Variants in ANAPC1 observed in about 807,000 individuals in gnomAD.
ANAPC1 encodes anaphase-promoting complex subunit 1.
Under a neutral mutation model 208.0 loss-of-function variants are expected in ANAPC1, and 36 were observed. The ratio of observed to expected loss-of-function variants is 0.17; its 90% CI spans 0.13 to 0.23. The LOEUF is 0.23. Ranked by LOEUF, ANAPC1 falls within the 10% of genes least tolerant of loss-of-function variation. ANAPC1 has a pLI of 1.00. For synonymous variants in ANAPC1, 378 were observed against 695.2 expected (o/e 0.54, Z 7.18); for missense variants, 942 against 2,011.6 (o/e 0.47, Z 10.17).
chr2:111,792,672 G>A, intron 37 of ANAPC1, 117 bp from the exon 38 acceptor site: 2 of 752,588 alleles, frequency 2.7e-6, no homozygotes, highest in South Asian at 1.9e-5. Context: ...AAAAATCTGG[G>A]CTGGGCACTG....
chr2:111,821,794 A>G (rs1679550162), intron 25 of ANAPC1: 6 of 290,244 alleles, frequency 2.1e-5, no homozygotes, highest in Non-Finnish European at 3.3e-5. Flanking sequence ...TAATGAAATA[A>G]TTTAACTTTC....
chr2:111,852,974 AGAG>A (rs1681490458), intron 13 of ANAPC1, among the ~76,000 whole-genome samples: 1 of 149,600 alleles, frequency 6.7e-6, no homozygotes, highest in South Asian at 2.1e-4. Context: ...AGTAACAGAG[AGAG>A]ATACTGTATC....
At chr2:111,864,520 A>G (rs1189484102) in intron 8 of ANAPC1, among the ~76,000 whole-genome samples, 1 of 125,530 alleles carries the variant, frequency 8.0e-6, no homozygotes. Context: ...GCTGGAGTGC[A>G]GTGGCATGAT....
chr2:111,775,271 A>T (rs1676946226), intron 46 of ANAPC1, among the ~76,000 whole-genome samples: 1 of 152,256 alleles, frequency 6.6e-6, no homozygotes, highest in Non-Finnish European at 1.5e-5. Flanking sequence ...TCTCAAAGAA[A>T]GAAAAAACAA....
chr2:111,883,694 A>G (rs558039680), intron 1 of ANAPC1, among the ~76,000 whole-genome samples: 8 of 152,318 alleles, frequency 5.3e-5, no homozygotes, highest in African/African-American at 1.9e-4. Flanking sequence ...CTGAGGCTGC[A>G]CATGGGATGC....
In ANAPC1 at chr2:111,863,690, T is replaced by C; in HGVS notation, c.1037A>G (p.Asn346Ser). 6.2e-7 allele frequency: 1 copy of C among 1,613,472 alleles called. No homozygotes were observed. The highest frequency in any genetic ancestry group is 8.5e-7 in the Non-Finnish European group (1 of 1,179,560). The stretch of plus-strand genomic sequence containing the variant: ...ACCCTTATACCTTAGAGCTGCCATG[T>C]TGGAAATAGAAGGTGAGCGAGAATG... ...SLHSRSPSIS[N>S]MAALSRAHSP... The change falls in exon 9 of 48, where the codon AAC becomes AGC. Residue 346 changes from asparagine to serine, a missense_variant. Asn to Ser is a conservative substitution (Grantham distance 46, BLOSUM62 1). Transcript: ENST00000341068.
chr2:111,826,373 C>A (rs955736675), intron 21 of ANAPC1, among the ~76,000 whole-genome samples: 1 of 152,206 alleles, frequency 6.6e-6, no homozygotes, highest in Non-Finnish European at 1.5e-5. Flanking sequence ...TCCTCCTACA[C>A]CCAGCACTGG....
chr2:111,828,878 A>G (rs6744295), intron 21 of ANAPC1, among the ~76,000 whole-genome samples: 2,071 of 152,328 alleles, frequency 0.014, 37 homozygotes, highest in East Asian at 0.057. Flanking sequence ...TGATGGCAAC[A>G]TAACAATGTG....
At chr2:111,840,314 T>C (rs1407525055) in intron 17 of ANAPC1, among the ~76,000 whole-genome samples, 2 of 152,146 alleles carry the variant, frequency 1.3e-5, no homozygotes, top group African/African-American at 4.8e-5. Flanking sequence ...TGAAAACCAT[T>C]TGCCAATGAG....
In ANAPC1 at chr2:111,800,793, T is replaced by C; in HGVS notation, c.4296+4A>G. On this transcript the variant is annotated splice_donor_region_variant and intron_variant, in intron 34 of 47. Transcript: ENST00000341068. ...AAGATATAATATTTATTATATGTACTTACTTGAGGAACATTGCTGTCAACC... is the reference window on the plus strand; with the variant it reads ...AAGATATAATATTTATTATATGTACCTACTTGAGGAACATTGCTGTCAACC... 1 of 556,184 alleles carries C rather than the reference T, an allele frequency of 1.8e-6. No homozygotes were observed. The highest frequency in any genetic ancestry group is 3.1e-6 in the Non-Finnish European group (1 of 321,718). 34.5% of individuals were successfully genotyped at this position (556,184 alleles called of 1,614,324 possible).
rs754856811 is a variant in ANAPC1, at chr2:111,856,693, A to C, written c.1450-14T>G. 1 of 1,613,848 alleles carries C rather than the reference A, an allele frequency of 6.2e-7. No homozygotes were observed. Among genetic ancestry groups the C allele is most frequent in the Non-Finnish European group, 8.5e-7 (1 of 1,179,826 alleles). ...GGTGTCTATTTTCTAAAAAAACAAA[A>C]AAGACAAAAAATTTATTTCCCAATC... On this transcript the variant is annotated splice_polypyrimidine_tract_variant and intron_variant, in intron 12 of 47. Transcript: ENST00000341068.
chr2:111,794,321 T>G lies in ANAPC1; in HGVS notation c.4376A>C (p.Gln1459Pro), dbSNP rs747100125. ...SEDLNLETLSQAHVYIIAGAC... is the reference protein window; with the variant it reads ...SEDLNLETLSPAHVYIIAGAC... ...TCCTGCAATTATGTAGACATGTGCT[T>G]GGCTGAAAACAGGTGACAAGAAATT... Residue 1459 changes from glutamine (Q) to proline (P), a missense_variant and splice_region_variant, in exon 36 of 48, where the codon CAA (glutamine) becomes CCA (proline). Physicochemically the swap from Gln to Pro is moderately conservative, Grantham distance 76. Transcript: ENST00000341068. 1.9e-6 allele frequency: 3 copies of G among 1,596,868 alleles called. No homozygotes were observed. Among genetic ancestry groups the G allele is most frequent in the Non-Finnish European group, 2.6e-6 (3 of 1,174,858 alleles).
chr2:111,868,085 G>A lies in ANAPC1; in HGVS notation c.623C>T (p.Pro208Leu). 6.3e-7 allele frequency: 1 copy of A among 1,590,718 alleles called. No homozygotes were observed. The highest frequency in any genetic ancestry group is 8.6e-7 in the Non-Finnish European group (1 of 1,169,364). The change falls in exon 7 of 48, where the codon CCT becomes CTT. Residue 208 changes from proline (P) to leucine (L), a missense_variant. Physicochemically the swap from Pro to Leu is moderately conservative, Grantham distance 98. Transcript: ENST00000341068. ...VPPGSPREPL[P>L]TMFSMLHPLD... ...TGGGTGCAGCATGCTGAACATAGTA[G>A]GTAAAGGTTCTCTAGCAATAAACAA...
intron 43 of ANAPC1, among the ~76,000 whole-genome samples, chr2:111,781,729 C>T (rs1367674027): frequency 6.6e-6 from 1 of 152,202 alleles, no homozygotes; most frequent in African/African-American, 2.4e-5. Flanking sequence ...AGTCTTAATG[C>T]CTGATTATGG....
intron 17 of ANAPC1, among the ~76,000 whole-genome samples, chr2:111,842,490 A>C (rs1680817397): frequency 6.6e-6 from 1 of 152,056 alleles, no homozygotes; most frequent in South Asian, 2.1e-4. Context: ...AAAAATACAA[A>C]AAATCAGCCA....
At chr2:111,862,201 G>A (rs1270371163) in intron 10 of ANAPC1, among the ~76,000 whole-genome samples, 188 bp downstream of exon 10, 2 of 152,078 alleles carry the variant, frequency 1.3e-5, no homozygotes, top group South Asian at 2.1e-4. Flanking sequence ...ACCACGTCCA[G>A]CCTATGATCA....
intron 10 of ANAPC1, among the ~76,000 whole-genome samples, chr2:111,862,148 C>A (rs924400392): frequency 4.0e-5 from 6 of 151,678 alleles, no homozygotes; most frequent in Non-Finnish European, 7.4e-5. Flanking sequence ...AAGTGATCTA[C>A]CAGCTTCAGC....
In ANAPC1 at chr2:111,794,181, T is replaced by C. The variant is rs770821550; in HGVS notation, c.4465-50A>G. The stretch of plus-strand genomic sequence containing the variant: ...CAAGTTATAAGAAGCATCTTAAAGC[T>C]TTGTTAAAACAAACAAAAAAAAAGA... On this transcript the variant is annotated intron_variant, in intron 36 of 47. Transcript: ENST00000341068. The C allele has an allele frequency of 6.6e-6, 10 of 1,509,042 alleles. No individual in the cohort carries two copies. In the East Asian group the frequency reaches 2.1e-4, roughly 31 times the overall value. 93.5% of individuals were successfully genotyped at this position (1,509,042 alleles called of 1,614,324 possible). A position where few individuals can be genotyped will look rare whatever the true frequency, so the allele number is the denominator to read the frequency against.
At chr2:111,861,421 G>C (rs1035221588) in intron 10 of ANAPC1, among the ~76,000 whole-genome samples, 2 of 152,160 alleles carry the variant, frequency 1.3e-5, no homozygotes, top group African/African-American at 4.8e-5. Flanking sequence ...AAAAACCAGA[G>C]TGGAAGTACT....
Sources: allele counts gnomAD v4.1 joint callset (sites outside exome capture counted in the v4.1 genomes callset), GRCh38; gene constraint gnomAD v4.1.1; transcripts MANE v1.5; gene names NCBI Gene and HGNC (gene_info 2026-07-23, HGNC 2026-07-21).